CANX: variants seen among roughly 807,000 people sequenced by gnomAD.
The protein encoded by CANX is epididymis secretory sperm binding protein.
Under a neutral mutation model 75.7 loss-of-function variants are expected in CANX, and 14 were observed. That is an observed-to-expected ratio of 0.19 (90% CI 0.12 to 0.29). The LOEUF (loss-of-function observed/expected upper bound fraction) is 0.29, where lower values mean the gene tolerates loss of function less well. CANX is among the 10% of genes least tolerant of loss of function. The pLI, the probability that CANX is intolerant of heterozygous loss-of-function variation, is 1.00. For synonymous variants in CANX, 227 were observed against 236.9 expected, an observed-to-expected ratio of 0.96 and a Z score of 0.38; for missense variants, 567 against 713.2, an observed-to-expected ratio of 0.79 and a Z score of 2.34.
chr5:179,693,163 A>G lies in CANX; in HGVS notation c.-3-12516A>G, dbSNP rs577466113. Among the ~76,000 whole-genome samples, 565 of 150,716 alleles carry G rather than the reference A, an allele frequency of 3.7e-3. 4 individuals carry two copies. The highest frequency in any genetic ancestry group is 0.013 in the African/African-American group (525 of 41,134). On this transcript the variant is annotated intron_variant, in intron 1 of 14. Transcript: ENST00000681674. ...TCCGTCTCAAAAAAAAAAAAAAAAA[A>G]GACAAACCCTATAGTGGAAAAATGG...
At position 179,699,015 on chromosome 5, in the gene CANX, C is replaced by T. The variant is rs1004633075; in HGVS notation, c.-91C>T. On this transcript the variant is annotated 5_prime_UTR_variant, in exon 1 of 15. Coordinates refer to ENST00000247461, the MANE Select transcript of CANX (RefSeq NM_001746.4). The stretch of plus-strand genomic sequence containing the variant: ...TCTGCGGCACGTGACGGTCGGGCCG[C>T]CTCCGCCTCTCTCTTTACTGCGGCG... The T allele has an allele frequency of 1.3e-5, 15 of 1,116,024 alleles. No individual in the cohort carries two copies. The highest frequency in any genetic ancestry group is 1.5e-5 in the Non-Finnish European group (14 of 906,988). The allele number at this position is 1,116,024 out of a possible 1,614,324, so 69.1% of individuals were successfully genotyped here. A position where few individuals can be genotyped will look rare whatever the true frequency, so the allele number is the denominator to read the frequency against.
chr5:179,708,325 A>G lies in CANX; in HGVS notation c.391A>G (p.Ile131Val), dbSNP rs1777300410. The change falls in exon 5 of 15, where the codon ATC becomes GTC. Residue 131 changes from isoleucine to valine, a missense_variant. Ile to Val is a conservative substitution (Grantham distance 29, BLOSUM62 3). Around this residue, in one of 3 missense-constraint regions of CANX, gnomAD observed 351 missense variants for 433.8 expected, o/e 0.81. Coordinates refer to ENST00000247461, the MANE Select transcript of CANX (RefSeq NM_001746.4). ...VLMSRAKHHA[I>V]SAKLNKPFLF... ...GATGTCTCGGGCCAAGCATCATGCC[A>G]TCTCTGCTAAACTGAACAAGCCCTT... 1.2e-6 allele frequency: 2 copies of G among 1,614,000 alleles called. No individual in the cohort carries two copies. The highest frequency in any genetic ancestry group is 1.3e-5 in the African/African-American group (1 of 75,044).
chr5:179,701,369 C>T (rs576000255), intron 1 of CANX, among the ~76,000 whole-genome samples: 3 of 151,828 alleles, frequency 2.0e-5, no homozygotes, highest in South Asian at 2.1e-4. Context: ...CTGAGGTGGG[C>T]GGATTACTTG....
At chr5:179,694,803 A>C, upstream of CANX, 4 of 511,462 alleles carry the variant, frequency 7.8e-6, no homozygotes, top group Non-Finnish European at 1.4e-5. Flanking sequence ...AAAAAAGTAA[A>C]TGGATAAAAA....
At chr5:179,723,831 T>A in intron 12 of CANX, 52 bp downstream of exon 12, 1 of 1,487,502 alleles carries the variant, frequency 6.7e-7, no homozygotes, top group Non-Finnish European at 9.2e-7. Context: ...CTCTAGTGAT[T>A]ATTAAAAATA....
rs1022862099 is a variant in CANX, at chr5:179,728,827, G to A, written c.*183G>A. ...CATCTAGCAGTAAATACTTGCAGTT[G>A]TGATATAAAGGACCCTGTTTCTGTA... On this transcript the variant is annotated 3_prime_UTR_variant, in exon 15 of 15. Coordinates refer to ENST00000247461, the MANE Select transcript of CANX (RefSeq NM_001746.4). 1 of 690,306 alleles carries A rather than the reference G, an allele frequency of 1.4e-6. No individual in the cohort carries two copies. The highest frequency in any genetic ancestry group is 1.8e-5 in the African/African-American group (1 of 56,626). 42.8% of individuals were successfully genotyped at this position (690,306 alleles called of 1,614,324 possible). A position where few individuals can be genotyped will look rare whatever the true frequency, so the allele number is the denominator to read the frequency against.
intron 11 of CANX, chr5:179,723,408 G>A: frequency 4.4e-6 from 2 of 458,472 alleles, no homozygotes; most frequent in Non-Finnish European, 7.6e-6. Context: ...ACTGGATCCT[G>A]AGGTTAAGGG....
upstream of CANX, among the ~76,000 whole-genome samples, chr5:179,697,364 A>G (rs1581828494): frequency 6.6e-6 from 1 of 152,242 alleles, no homozygotes; most frequent in East Asian, 1.9e-4. Context: ...CGCCCAGCCA[A>G]TTCTGACCTC....
chr5:179,681,191 T>G (rs1776054883), intron 1 of CANX, among the ~76,000 whole-genome samples: 1 of 152,196 alleles, frequency 6.6e-6, no homozygotes, highest in Non-Finnish European at 1.5e-5. Context: ...ATTGAGCACC[T>G]ACTGTGTTCT....
chr5:179,698,928 C>A, upstream of CANX: 1 of 1,137,996 alleles, frequency 8.8e-7, no homozygotes, highest in Non-Finnish European at 1.1e-6. Flanking sequence ...GGGGCGGGCA[C>A]AGGGCCGGGC....
intron 1 of CANX, among the ~76,000 whole-genome samples, chr5:179,679,643 G>A (rs894850230): frequency 4.6e-5 from 7 of 152,038 alleles, no homozygotes; most frequent in African/African-American, 1.7e-4. Context: ...GCAGAGGGAA[G>A]AGCCGAGCAG....
intron 2 of CANX, 145 bp from the exon 3 acceptor site, chr5:179,706,113 C>G (rs942213884): frequency 3.3e-6 from 2 of 607,122 alleles, no homozygotes; most frequent in African/African-American, 1.9e-5. Context: ...CTTTGTCTTG[C>G]TAGAGGCCAA....
At chr5:179,682,758 ACAAAC>A (rs954174480) in intron 1 of CANX, among the ~76,000 whole-genome samples, 1 of 152,132 alleles carries the variant, frequency 6.6e-6, no homozygotes, top group African/African-American at 2.4e-5. Context: ...AGTGAAGAAA[ACAAAC>A]CAGGGAAATA....
chr5:179,707,399 A>G (rs531541125), intron 4 of CANX, among the ~76,000 whole-genome samples: 2 of 152,248 alleles, frequency 1.3e-5, no homozygotes, highest in South Asian at 4.1e-4. Flanking sequence ...CCTGGCTAAC[A>G]CAGTGAAACC....
chr5:179,722,127 C>T (rs983963894), intron 10 of CANX, among the ~76,000 whole-genome samples: 3 of 152,128 alleles, frequency 2.0e-5, no homozygotes, highest in South Asian at 2.1e-4. Context: ...GTCAGCCATT[C>T]GAGACCAGCC....
intron 14 of CANX, among the ~76,000 whole-genome samples, chr5:179,727,816 T>G (rs62404350): frequency 1.2e-4 from 18 of 152,100 alleles, no homozygotes; most frequent in Non-Finnish European, 2.1e-4. Flanking sequence ...GAGATCTGGA[T>G]CTTGGTTTTG....
chr5:179,680,552 TG>T (rs752933503), intron 1 of CANX, among the ~76,000 whole-genome samples: 21 of 152,246 alleles, frequency 1.4e-4, no homozygotes, highest in Non-Finnish European at 2.6e-4. Context: ...GCTAGACCTA[TG>T]CATAGGGCTC....
rs966049916 is a variant in CANX, at chr5:179,699,114, G to C, written c.-4+12G>C. The C allele has an allele frequency of 5.8e-6, 6 of 1,041,646 alleles. No homozygotes were observed. In the South Asian group the frequency reaches 1.6e-4, roughly 28 times the overall value. 64.5% of individuals were successfully genotyped at this position (1,041,646 alleles called of 1,614,324 possible). On this transcript the variant is annotated intron_variant, in intron 1 of 14. Transcript: ENST00000247461. ...CCGGGAGGCTAGAGGTGAGAGGGGA[G>C]ACCTGAGCGCGTCCTCGGGCCTGTG...
intron 1 of CANX, chr5:179,678,960 G>C (rs1451828013): frequency 6.5e-7 from 1 of 1,535,694 alleles, no homozygotes; most frequent in South Asian, 1.2e-5. Context: ...CCGTAGGCGA[G>C]GCCCAGCTCG....
Sources: allele counts gnomAD v4.1 joint callset (sites outside exome capture counted in the v4.1 genomes callset), GRCh38; gene constraint gnomAD v4.1.1; regional missense constraint gnomAD v4.1.1; transcripts MANE v1.5; gene names NCBI Gene and HGNC (gene_info 2026-07-23, HGNC 2026-07-21).